Variants in TMEM117 observed in about 807,000 individuals in gnomAD.
TMEM117 encodes transmembrane protein 117.
In TMEM117, 27 loss-of-function variants were observed where a neutral mutation model predicts 52.4. The ratio of observed to expected loss-of-function variants is 0.51; its 90% CI spans 0.38 to 0.71. The LOEUF is 0.71. TMEM117 is among the 30% of genes least tolerant of loss of function. The probability of loss-of-function intolerance (pLI) is 0.00; values close to 1 mark genes in which losing one functional copy is unlikely to be tolerated. For missense variants in TMEM117, 556 were observed against 630.5 expected (o/e 0.88, Z 1.26); for synonymous variants, 215 against 206.3 (o/e 1.04, Z -0.36).
intron 7 of TMEM117, among the ~76,000 whole-genome samples, chr12:44,383,072 G>A (rs904808462): frequency 2.0e-5 from 3 of 152,092 alleles, no homozygotes; most frequent in Non-Finnish European, 4.4e-5. Context: ...TCCCATGATG[G>A]TTGCTGAATG....
intron 4 of TMEM117, among the ~76,000 whole-genome samples, chr12:44,174,509 T>C (rs527942586): frequency 1.3e-5 from 2 of 152,330 alleles, no homozygotes; most frequent in South Asian, 2.1e-4. Flanking sequence ...ATATATAACA[T>C]GATGATGAAA....
At chr12:43,805,983 C>T in the TMEM117 span, 3 of 1,541,064 alleles carry the variant, frequency 1.9e-6, no homozygotes, top group Admixed American at 1.8e-5. Flanking sequence ...TTCCTTCGCT[C>T]CCCCGAATTT....
rs550584085 is a variant in TMEM117 at position 44,125,253 on chromosome 12, C to T, written c.411-18272C>T. Reference sequence around the variant, plus strand: ...CGGAGTACCTGGGACTACAGGCGTCCGCCACCAAGCCCGGCTAATTCTTTT... The same window carrying T: ...CGGAGTACCTGGGACTACAGGCGTCTGCCACCAAGCCCGGCTAATTCTTTT... On this transcript the variant is annotated intron_variant, in intron 3 of 7. Coordinates refer to ENST00000266534, the MANE Select transcript of TMEM117 (RefSeq NM_032256.3). Among the ~76,000 whole-genome samples, 46 of 152,198 alleles carry T rather than the reference C, an allele frequency of 3.0e-4. No individual in the cohort carries two copies. In the South Asian group the frequency reaches 7.9e-3, roughly 26 times the overall value.
chr12:44,202,793 C>CACTT (rs60018269), intron 4 of TMEM117, among the ~76,000 whole-genome samples: 32 of 142,922 alleles, frequency 2.2e-4, no homozygotes, highest in Middle Eastern at 3.6e-3. Context: ...GAAGTGGTAG[C>CACTT]TTTTTTTTTT....
intron 2 of TMEM117, among the ~76,000 whole-genome samples, chr12:43,927,790 C>G (rs1944803829): frequency 6.6e-6 from 1 of 152,018 alleles, no homozygotes; most frequent in Non-Finnish European, 1.5e-5. Flanking sequence ...TCCAACACTT[C>G]TGCATTCTTA....
chr12:44,232,368 T>C (rs192310075), intron 5 of TMEM117, among the ~76,000 whole-genome samples: 130 of 151,356 alleles, frequency 8.6e-4, no homozygotes, highest in African/African-American at 2.9e-3. Context: ...TATGGAAAAG[T>C]TTATTTTTTT....
At chr12:43,886,940 T>G (rs2137465725) in intron 2 of TMEM117, among the ~76,000 whole-genome samples, 1 of 152,258 alleles carries the variant, frequency 6.6e-6, no homozygotes, top group East Asian at 1.9e-4. Flanking sequence ...TTCTGCCTCC[T>G]GGGTTCAAGC....
chr12:44,398,404 A>G, the TMEM117 span, among the ~76,000 whole-genome samples: 1 of 152,192 alleles, frequency 6.6e-6, no homozygotes, highest in African/African-American at 2.4e-5. Context: ...GAGAAGCCAA[A>G]GGAAAGCCAT....
intron 3 of TMEM117, among the ~76,000 whole-genome samples, chr12:44,041,627 C>G (rs1203139782): frequency 6.6e-6 from 1 of 152,032 alleles, no homozygotes; most frequent in Non-Finnish European, 1.5e-5. Flanking sequence ...CCTCCTGTGC[C>G]AGCATCATTC....
At chr12:43,818,444 G>GTTTTTA in the TMEM117 span, among the ~76,000 whole-genome samples, 1 of 121,834 alleles carries the variant, frequency 8.2e-6, no homozygotes, top group Non-Finnish European at 1.8e-5. Context: ...TTTTTTTTTT[G>GTTTTTA]TTTTTATTTT....
intron 4 of TMEM117, among the ~76,000 whole-genome samples, chr12:44,171,521 T>C (rs1862274972): frequency 6.6e-6 from 1 of 152,184 alleles, no homozygotes; most frequent in African/African-American, 2.4e-5. Context: ...GAAAAACTGT[T>C]CCTTTTCCCC....
chr12:43,851,283 G>A (rs1943303877), intron 2 of TMEM117, among the ~76,000 whole-genome samples: 1 of 152,084 alleles, frequency 6.6e-6, no homozygotes, highest in South Asian at 2.1e-4. Context: ...TTATGATTTT[G>A]TGACTCTTTA....
chr12:44,222,991 C>T (rs1949809520), intron 5 of TMEM117, among the ~76,000 whole-genome samples: 1 of 150,478 alleles, frequency 6.6e-6, no homozygotes, highest in African/African-American at 2.4e-5. Context: ...ATAAAAAAGT[C>T]ATAAACCAAG....
intron 5 of TMEM117, among the ~76,000 whole-genome samples, chr12:44,285,794 C>T (rs998444878): frequency 2.0e-5 from 3 of 152,180 alleles, no homozygotes; most frequent in Non-Finnish European, 4.4e-5. Flanking sequence ...CCATCTGTGA[C>T]TTCAGTGTGC....
At chr12:43,959,930 G>C (rs1419676097) in intron 3 of TMEM117, among the ~76,000 whole-genome samples, 2 of 152,148 alleles carry the variant, frequency 1.3e-5, no homozygotes, top group East Asian at 3.8e-4. Flanking sequence ...AGCATTTAGG[G>C]GTGGGTAAAG....
chr12:43,852,355 C>T (rs149174850), intron 2 of TMEM117, among the ~76,000 whole-genome samples: 5,727 of 152,156 alleles, frequency 0.038, 270 homozygotes, highest in African/African-American at 0.1. Flanking sequence ...GGCGTGAACC[C>T]GGGAGGCAGA....
intron 5 of TMEM117, among the ~76,000 whole-genome samples, chr12:44,244,978 T>G (rs976723407): frequency 6.6e-6 from 1 of 152,054 alleles, no homozygotes; most frequent in African/African-American, 2.4e-5. Context: ...CTTGTCTTCT[T>G]TGTCAAAAAT....
chr12:44,378,600 C>T lies in TMEM117; in HGVS notation c.898+1876C>T, dbSNP rs548755782. Reference sequence around the variant, plus strand: ...CCCACCAAGAATTATTTTCTGAAAACCTAAAAGGATGAAAGACTAGTTCAA... The same window carrying T: ...CCCACCAAGAATTATTTTCTGAAAATCTAAAAGGATGAAAGACTAGTTCAA... On this transcript the variant is annotated intron_variant, in intron 7 of 7. Transcript: ENST00000266534. Among the ~76,000 whole-genome samples the T allele has an allele frequency of 2.6e-5, 4 of 152,198 alleles. No homozygotes were observed. In the South Asian group the frequency reaches 8.3e-4, roughly 32 times the overall value.
rs141470903 is a variant in TMEM117, at chr12:44,100,645, A to G, written c.411-42880A>G. ...AGCAAAACTCCTCTCTGCCTCTTAA[A>G]TTTTCCTCAAGTTATTGCTTTATCT... On this transcript the variant is annotated intron_variant, in intron 3 of 7. Transcript: ENST00000266534. 8.5e-3 allele frequency among the ~76,000 whole-genome samples: 1,291 copies of G among 152,044 alleles called. 12 individuals are homozygous for G. Among genetic ancestry groups the G allele is most frequent in the African/African-American group, 0.03 (1,228 of 41,490 alleles).
Sources: gnomAD v4.1 joint callset for allele counts (sites outside exome capture counted in the v4.1 genomes callset) on GRCh38, gnomAD v4.1.1 for gene constraint, MANE v1.5 for transcripts, NCBI Gene and HGNC (gene_info 2026-07-23, HGNC 2026-07-21) for gene names.